The following DACH2 variants were observed in gnomAD, a reference collection of about 807,000 sequenced individuals.
DACH2 encodes dachshund family transcription factor 2.
DACH2 carries 17 observed loss-of-function variants against 35.8 expected under a neutral mutation model. The ratio of observed to expected loss-of-function variants is 0.48; its 90% CI spans 0.33 to 0.71. The LOEUF is 0.71. Among genes scored for constraint, DACH2 ranks in the 30% least tolerant of loss-of-function variants. The pLI, the probability that DACH2 is intolerant of heterozygous loss-of-function variation, is 0.02. For missense variants in DACH2, 469 were observed against 472.7 expected (o/e 0.99, Z 0.07); for synonymous variants, 195 against 177.3 (o/e 1.10, Z -0.79).
chrX:86,422,831 C>T (rs1420532487), intron 2 of DACH2, among the ~76,000 whole-genome samples: 2 of 110,978 alleles, frequency 1.8e-5, no homozygotes, highest in Non-Finnish European at 3.8e-5. Flanking sequence ...CTATCTTTTC[C>T]AGCCTCTGGT....
At chrX:86,239,232 G>T (rs1311520975) in intron 1 of DACH2, among the ~76,000 whole-genome samples, 2 of 111,749 alleles carry the variant, frequency 1.8e-5, no homozygotes, top group Non-Finnish European at 3.8e-5. Flanking sequence ...GAACTATAAA[G>T]ATGAGTGCAG....
At chrX:86,570,285 C>T (rs1371646547) in intron 3 of DACH2, among the ~76,000 whole-genome samples, 3 of 111,404 alleles carry the variant, frequency 2.7e-5, no homozygotes, top group African/African-American at 6.5e-5. Context: ...GATACATGCA[C>T]GTGTATGTTC....
chrX:86,830,506 C>G, intron 11 of DACH2: 2 of 111,342 alleles, frequency 1.8e-5, no homozygotes, highest in Non-Finnish European at 3.8e-5. Flanking sequence ...CCTAATAGGC[C>G]TTGTAAGCAG....
intron 2 of DACH2, among the ~76,000 whole-genome samples, chrX:86,455,067 C>T (rs2037450640): frequency 9.0e-6 from 1 of 110,661 alleles, no homozygotes; most frequent in Non-Finnish European, 1.9e-5. Flanking sequence ...CACTTGAGAC[C>T]CCAGTTGCCT....
At position 86,812,857 on chromosome X, in the gene DACH2, A is replaced by C; in HGVS notation, c.1242A>C (p.Glu414Asp). ...SQMDHHLERM[E>D]EVPVQIPIMK... ...CTGATACTAATTTTGTTTTTGCAGA[A>C]GAGGTACCAGTTCAAATTCCAATAA... Residue 414 changes from glutamate to aspartate, a missense_variant and splice_region_variant, in exon 8 of 12, where the codon GAA becomes GAC. Coordinates refer to ENST00000373125, the MANE Select transcript of DACH2 (RefSeq NM_053281.3). 1 of 1,189,142 alleles carries C rather than the reference A, an allele frequency of 8.4e-7. No homozygotes were observed. Among genetic ancestry groups the C allele is most frequent in the South Asian group, 1.9e-5 (1 of 52,593 alleles).
chrX:86,794,997 A>G (rs187525215), intron 7 of DACH2, among the ~76,000 whole-genome samples: 60 of 111,056 alleles, frequency 5.4e-4, no homozygotes, highest in African/African-American at 2.0e-3. Context: ...ATAAGATCAA[A>G]TATCTTGTCA....
Position 86,823,134 on chromosome X carries a change from C to A in DACH2, c.1750+7035C>A, listed in dbSNP as rs765612301. 7.6e-4 allele frequency among the ~76,000 whole-genome samples: 84 copies of A among 110,009 alleles called. 1 individual carries two copies. The highest frequency in any genetic ancestry group is 2.6e-3 in the Admixed American group (27 of 10,265). On this transcript the variant is annotated intron_variant, in intron 11 of 11. Transcript: ENST00000373125. ...CACTCAGCTAACTTTGAATTTTCAC[C>A]ATGTTGTTCAGGCTGGTCTCAGGCT...
rs2034268707 is a variant in DACH2, at chrX:86,290,746, T to G, written c.489-86078T>G. ...TCAGATAGTTGTAGATATGCAGCAT[T>G]ATTTCTGAGGGCTCTGTTCTGTTCC... On this transcript the variant is annotated intron_variant, in intron 1 of 11. Coordinates refer to ENST00000373125, the MANE Select transcript of DACH2 (RefSeq NM_053281.3). Among the ~76,000 whole-genome samples, 3 of 95,966 alleles carry G rather than the reference T, an allele frequency of 3.1e-5. 1 individual carries two copies. The South Asian group carries it at 1.8e-3, about 56-fold the overall frequency. The allele number at this position is 95,966 out of a possible 115,157, so 83.3% of individuals were successfully genotyped here.
At chrX:86,686,213 T>C (rs560914221) in intron 4 of DACH2, among the ~76,000 whole-genome samples, 1 of 110,915 alleles carries the variant, frequency 9.0e-6, no homozygotes, top group African/African-American at 3.3e-5. Context: ...AATTGAAGGG[T>C]ATTTTTATTT....
At chrX:86,546,404 C>CTTCTTCCTT (rs774988785) in intron 3 of DACH2, among the ~76,000 whole-genome samples, 64 of 21,547 alleles carry the variant, frequency 3.0e-3, no homozygotes, top group African/African-American at 6.5e-3. Context: ...TCTTCTTCTT[C>CTTCTTCCTT]CTTCTTCTTC....
At chrX:86,719,494 C>T (rs1296887085) in intron 6 of DACH2, among the ~76,000 whole-genome samples, 1 of 111,210 alleles carries the variant, frequency 9.0e-6, no homozygotes, top group Non-Finnish European at 1.9e-5. Flanking sequence ...TTAGTTCATT[C>T]TCAAGCTGCT....
chrX:86,546,320 TTTCTTCTTCTTCTTCTTCCTC>T (rs1569435560), intron 3 of DACH2, among the ~76,000 whole-genome samples: 19 of 78,987 alleles, frequency 2.4e-4, no homozygotes, highest in African/African-American at 8.0e-4. Flanking sequence ...CTCCTACCTC[TTTCTTCTTCTTCTTCTTCCTC>T]TTCTTCTTCT....
At chrX:86,375,814 C>T (rs1308949215) in intron 1 of DACH2, among the ~76,000 whole-genome samples, 5 of 109,865 alleles carry the variant, frequency 4.6e-5, no homozygotes, top group African/African-American at 1.3e-4. Context: ...CAAAACAAAA[C>T]AAAACAGATG....
chrX:86,368,734 A>C (rs1359245387), intron 1 of DACH2, among the ~76,000 whole-genome samples: 1 of 109,310 alleles, frequency 9.1e-6, no homozygotes, highest in Non-Finnish European at 1.9e-5. Flanking sequence ...AGCTAATTAC[A>C]AAAAAATTCT....
intron 1 of DACH2, among the ~76,000 whole-genome samples, chrX:86,261,735 T>C (rs2033628892): frequency 9.0e-6 from 1 of 111,295 alleles, no homozygotes; most frequent in Non-Finnish European, 1.9e-5. Context: ...ATAGGAACTT[T>C]CCAAGTTGAG....
intron 1 of DACH2, among the ~76,000 whole-genome samples, chrX:86,321,535 C>A (rs957872011): frequency 8.9e-6 from 1 of 111,838 alleles, no homozygotes; most frequent in African/African-American, 3.3e-5. Context: ...AAAGTGTTTC[C>A]TTTTCCATTC....
intron 1 of DACH2, among the ~76,000 whole-genome samples, chrX:86,269,432 T>C (rs934980459): frequency 8.9e-6 from 1 of 112,104 alleles, no homozygotes; most frequent in Non-Finnish European, 1.9e-5. Context: ...TCTATAAATG[T>C]TGCTGAAAGC....
intron 6 of DACH2, among the ~76,000 whole-genome samples, chrX:86,716,736 G>T (rs779268062): frequency 1.8e-5 from 2 of 112,017 alleles, no homozygotes; most frequent in South Asian, 7.5e-4. Context: ...GAGTCAAGAG[G>T]CACATGGAAA....
At chrX:86,749,162 C>T (rs962343431) in intron 7 of DACH2, among the ~76,000 whole-genome samples, 2 of 111,883 alleles carry the variant, frequency 1.8e-5, no homozygotes, top group Non-Finnish European at 3.8e-5. Context: ...ACAAGTTTCT[C>T]CATATCAAGA....
Sources: gnomAD v4.1 joint callset for allele counts (sites outside exome capture counted in the v4.1 genomes callset) on GRCh38, gnomAD v4.1.1 for gene constraint, MANE v1.5 for transcripts, NCBI Gene and HGNC (gene_info 2026-07-23, HGNC 2026-07-21) for gene names.